The following OLFM3 variants were observed in gnomAD, a reference collection of about 807,000 sequenced individuals.
OLFM3 encodes olfactomedin 3.
In OLFM3, 20 loss-of-function variants were observed where a neutral mutation model predicts 48.6. That is an observed-to-expected ratio of 0.41 (90% CI 0.29 to 0.60). The LOEUF is 0.60. Among genes scored for constraint, OLFM3 ranks in the 20% least tolerant of loss-of-function variants. The pLI is 0.28. For missense variants in OLFM3, 437 were observed against 544.3 expected (o/e 0.80, Z 1.96); for synonymous variants, 222 against 198.1 (o/e 1.12, Z -1.01).
At chr1:101,835,258 T>C (rs1655345874) in intron 2 of OLFM3, among the ~76,000 whole-genome samples, 1 of 152,226 alleles carries the variant, frequency 6.6e-6, no homozygotes, top group African/African-American at 2.4e-5. Flanking sequence ...ATAATTTCCC[T>C]GGTAAACAAA....
chr1:101,902,366 A>G (rs752519056), intron 1 of OLFM3, among the ~76,000 whole-genome samples: 13 of 152,068 alleles, frequency 8.5e-5, no homozygotes, highest in Non-Finnish European at 1.6e-4. Flanking sequence ...ATCTATTTCC[A>G]TAAGCTTGGC....
chr1:101,824,357 C>T (rs1654745139), intron 4 of OLFM3, among the ~76,000 whole-genome samples: 1 of 152,090 alleles, frequency 6.6e-6, no homozygotes, highest in Admixed American at 6.6e-5. Flanking sequence ...ATAATTAGCT[C>T]ATGGATATCA....
intron 1 of OLFM3, among the ~76,000 whole-genome samples, chr1:101,964,411 A>T (rs1660554738): frequency 6.6e-6 from 1 of 152,206 alleles, no homozygotes. Flanking sequence ...TCAGTGGAAA[A>T]TACATTAATT....
intron 1 of OLFM3, among the ~76,000 whole-genome samples, chr1:101,954,502 T>C (rs1409930518): frequency 6.6e-6 from 1 of 152,068 alleles, no homozygotes; most frequent in African/African-American, 2.4e-5. Flanking sequence ...CCCTAGAATG[T>C]TTTAATTTAG....
intron 1 of OLFM3, chr1:101,893,401 T>C: frequency 2.7e-6 from 1 of 371,506 alleles, no homozygotes; most frequent in South Asian, 2.6e-5. Flanking sequence ...GTCCTCAAGA[T>C]AGATGTAAAA....
intron 1 of OLFM3, among the ~76,000 whole-genome samples, chr1:101,938,336 A>G (rs1230761377): frequency 6.6e-6 from 1 of 152,216 alleles, no homozygotes. Flanking sequence ...AAACTAGAAC[A>G]GGACTTTACC....
At chr1:101,879,878 G>T (rs1444761060) in intron 1 of OLFM3, among the ~76,000 whole-genome samples, 1 of 151,706 alleles carries the variant, frequency 6.6e-6, no homozygotes, top group Non-Finnish European at 1.5e-5. Context: ...CTCTTAAATT[G>T]CATTCTTATT....
intron 1 of OLFM3, among the ~76,000 whole-genome samples, chr1:101,990,836 T>A (rs1247023787): frequency 6.7e-6 from 1 of 150,160 alleles, no homozygotes; most frequent in Non-Finnish European, 1.5e-5. Context: ...TACAAAAAAT[T>A]AGCCAGGCAT....
At chr1:101,932,076 T>A (rs867983923) in intron 1 of OLFM3, among the ~76,000 whole-genome samples, 21 of 152,200 alleles carry the variant, frequency 1.4e-4, no homozygotes, top group South Asian at 4.1e-4. Flanking sequence ...ATAAAAAGTG[T>A]AGAGTGTGAT....
At position 101,980,153 on chromosome 1, in the gene OLFM3, T is replaced by G. The variant is rs189819740; in HGVS notation, c.69+16595A>C. ...AACTTGCTTTTGATTTTTATTCTCA[T>G]AGGCAGAAGGGACTTGCCTTGTATC... On this transcript the variant is annotated intron_variant, in intron 1 of 5. Coordinates refer to ENST00000370103, the MANE Select transcript of OLFM3 (RefSeq NM_058170.4). Among the ~76,000 whole-genome samples the G allele has an allele frequency of 3.5e-3, 527 of 152,306 alleles. 4 individuals are homozygous for G. Among genetic ancestry groups the G allele is most frequent in the African/African-American group, 0.012 (484 of 41,568 alleles).
chr1:101,896,469 A>T, intron 1 of OLFM3, among the ~76,000 whole-genome samples: 1 of 148,196 alleles, frequency 6.7e-6, no homozygotes, highest in Non-Finnish European at 1.5e-5. Context: ...TTTATTTTTC[A>T]ATTTAGCATG....
At chr1:101,909,553 T>C (rs572100370) in intron 1 of OLFM3, among the ~76,000 whole-genome samples, 1 of 152,338 alleles carries the variant, frequency 6.6e-6, no homozygotes, top group Non-Finnish European at 1.5e-5. Flanking sequence ...AGCAACAATA[T>C]GCAAATTACC....
In OLFM3 at chr1:101,993,758, AT is replaced by A. The variant is rs576616952; in HGVS notation, c.69+2989del. Among the ~76,000 whole-genome samples, 67 of 152,136 alleles carry A rather than the reference AT, an allele frequency of 4.4e-4. No individual in the cohort carries two copies. In the South Asian group the frequency reaches 0.013, roughly 31 times the overall value. On this transcript the variant is annotated intron_variant, in intron 1 of 5. Coordinates refer to ENST00000370103, the MANE Select transcript of OLFM3 (RefSeq NM_058170.4). ...TTGGAAAAGAATACCAATCTTGCCA[AT>A]TTTTTGATACAGTAAATGAGAGAAA...
At chr1:101,948,938 A>C (rs1001980700) in intron 1 of OLFM3, among the ~76,000 whole-genome samples, 3 of 150,138 alleles carry the variant, frequency 2.0e-5, no homozygotes, top group Non-Finnish European at 4.4e-5. Context: ...ACAACAAAAA[A>C]CAAAAGCAAG....
intron 1 of OLFM3, among the ~76,000 whole-genome samples, chr1:101,937,084 C>CA (rs1659644772): frequency 6.6e-6 from 1 of 152,112 alleles, no homozygotes; most frequent in East Asian, 1.9e-4. Context: ...GCACCAAAAG[C>CA]AATTGCAACA....
At chr1:101,903,535 G>C (rs952468165) in intron 1 of OLFM3, among the ~76,000 whole-genome samples, 2 of 152,024 alleles carry the variant, frequency 1.3e-5, no homozygotes, top group African/African-American at 4.8e-5. Context: ...GATGTTAACT[G>C]TTGAGTTTGT....
At chr1:101,848,793 TC>T (rs1230435980) in intron 1 of OLFM3, among the ~76,000 whole-genome samples, 2 of 152,090 alleles carry the variant, frequency 1.3e-5, no homozygotes, top group African/African-American at 4.8e-5. Flanking sequence ...AAGGGGGGTG[TC>T]TTTTCAAGAG....
intron 1 of OLFM3, among the ~76,000 whole-genome samples, chr1:101,964,523 G>T (rs111598057): frequency 1.1e-4 from 16 of 152,206 alleles, no homozygotes; most frequent in African/African-American, 3.6e-4. Flanking sequence ...ATAAAGCCTC[G>T]TGTTTCTGTT....
intron 4 of OLFM3, among the ~76,000 whole-genome samples, 181 bp from the exon 5 acceptor site, chr1:101,806,363 T>C (rs1653777979): frequency 6.6e-6 from 1 of 151,770 alleles, no homozygotes; most frequent in East Asian, 1.9e-4. Context: ...CATTGAACCA[T>C]GAGGAGTTGC....
Sources: gnomAD v4.1 joint callset for allele counts (sites outside exome capture counted in the v4.1 genomes callset) on GRCh38, gnomAD v4.1.1 for gene constraint, MANE v1.5 for transcripts, NCBI Gene and HGNC (gene_info 2026-07-23, HGNC 2026-07-21) for gene names.